The following MEIKIN variants were observed in gnomAD, a reference collection of about 807,000 sequenced individuals.
MEIKIN encodes the protein meiotic kinetochore factor.
At chr5:131,919,541 A>G (rs933728119) in intron 6 of MEIKIN, among the ~76,000 whole-genome samples, 3 of 152,224 alleles carry the variant, frequency 2.0e-5, no homozygotes, top group Non-Finnish European at 4.4e-5. Context: ...AGTACTATGC[A>G]GCTGTAAAAA....
chr5:131,817,345 C>G lies in MEIKIN; in HGVS notation c.1099+1395G>C, dbSNP rs144260134. 6.4e-3 allele frequency among the ~76,000 whole-genome samples: 981 copies of G among 152,224 alleles called. 13 individuals carry two copies. Among genetic ancestry groups the G allele is most frequent in the African/African-American group, 0.023 (942 of 41,518 alleles). On this transcript the variant is annotated intron_variant, in intron 12 of 12. Transcript: ENST00000442687. The stretch of plus-strand genomic sequence containing the variant: ...CCCCCTCACTGGCCGGGCACGGTGG[C>G]TCACGCCTGTAATCCCAACACTTTG...
chr5:131,898,412 T>C (rs1751091574), intron 8 of MEIKIN, among the ~76,000 whole-genome samples: 1 of 152,210 alleles, frequency 6.6e-6, no homozygotes, highest in Non-Finnish European at 1.5e-5. Context: ...GTCTGTCCAT[T>C]CTCAGAGCTC....
intron 7 of MEIKIN, among the ~76,000 whole-genome samples, chr5:131,913,713 A>G (rs1444941371): frequency 6.6e-6 from 1 of 152,252 alleles, no homozygotes; most frequent in Non-Finnish European, 1.5e-5. Flanking sequence ...TACACAGAAT[A>G]AGGAATGGGG....
chr5:131,836,417 A>G (rs1472627538), intron 11 of MEIKIN, among the ~76,000 whole-genome samples: 1 of 152,240 alleles, frequency 6.6e-6, no homozygotes, highest in African/African-American at 2.4e-5. Context: ...ATACCCAATA[A>G]TGAAATTGCT....
At chr5:131,918,304 TG>T (rs1391987109) in intron 6 of MEIKIN, among the ~76,000 whole-genome samples, 1 of 152,240 alleles carries the variant, frequency 6.6e-6, no homozygotes, top group Non-Finnish European at 1.5e-5. Context: ...CAAGTACACG[TG>T]GTAACAAATT....
At chr5:131,820,605 T>C (rs908508496) in intron 11 of MEIKIN, among the ~76,000 whole-genome samples, 1 of 152,224 alleles carries the variant, frequency 6.6e-6, no homozygotes, top group African/African-American at 2.4e-5. Context: ...TGGTATTAGT[T>C]CTTCTTCAAA....
intron 4 of MEIKIN, among the ~76,000 whole-genome samples, chr5:131,937,103 T>C (rs1297413780): frequency 6.6e-6 from 1 of 152,164 alleles, no homozygotes; most frequent in Non-Finnish European, 1.5e-5. Flanking sequence ...TCCTAAGAAA[T>C]TCACATATTT....
chr5:131,846,874 C>T (rs1425510285), intron 11 of MEIKIN, among the ~76,000 whole-genome samples: 1 of 90,084 alleles, frequency 1.1e-5, no homozygotes, highest in Non-Finnish European at 2.4e-5. Context: ...ATGTTAACAT[C>T]ATCATCTGAA....
chr5:131,845,197 G>A (rs1390736509), intron 11 of MEIKIN, among the ~76,000 whole-genome samples: 1 of 148,638 alleles, frequency 6.7e-6, no homozygotes, highest in Non-Finnish European at 1.5e-5. Context: ...ATGAACCTGG[G>A]AGGCAGAGTT....
intron 9 of MEIKIN, among the ~76,000 whole-genome samples, chr5:131,861,206 T>C (rs1043898943): frequency 6.6e-6 from 1 of 151,882 alleles, no homozygotes; most frequent in Non-Finnish European, 1.5e-5. Context: ...CTGGCCAACA[T>C]GGTGAAACCC....
intron 7 of MEIKIN, among the ~76,000 whole-genome samples, chr5:131,912,472 C>T (rs1176911977): frequency 2.0e-5 from 3 of 151,820 alleles, no homozygotes; most frequent in Non-Finnish European, 4.4e-5. Flanking sequence ...CTAGCTATCA[C>T]AAAAGGAATA....
At chr5:131,846,724 A>G (rs1221067082) in intron 11 of MEIKIN, among the ~76,000 whole-genome samples, 8 of 152,096 alleles carry the variant, frequency 5.3e-5, no homozygotes, top group Non-Finnish European at 1.2e-4. Context: ...AGGAAGCCAA[A>G]CTGGGAGGAC....
intron 8 of MEIKIN, among the ~76,000 whole-genome samples, chr5:131,902,772 A>C (rs1045383999): frequency 1.3e-5 from 2 of 152,202 alleles, no homozygotes; most frequent in African/African-American, 2.4e-5. Context: ...AAACCCCACT[A>C]GTTCCCCAGC....
chr5:131,859,568 T>C (rs35426654), intron 9 of MEIKIN, among the ~76,000 whole-genome samples: 1 of 152,172 alleles, frequency 6.6e-6, no homozygotes, highest in African/African-American at 2.4e-5. Context: ...TGTTCCTGCT[T>C]TGCCTTCCAC....
At chr5:131,896,950 G>A (rs554596981) in intron 8 of MEIKIN, among the ~76,000 whole-genome samples, 6 of 152,222 alleles carry the variant, frequency 3.9e-5, no homozygotes, top group South Asian at 4.1e-4. Context: ...TATTTTGCCC[G>A]TTAATTGATG....
intron 8 of MEIKIN, among the ~76,000 whole-genome samples, chr5:131,889,821 C>A (rs1282486498): frequency 2.6e-5 from 4 of 152,154 alleles, no homozygotes; most frequent in African/African-American, 9.7e-5. Flanking sequence ...CAGTTTTTGG[C>A]CATTCAGTAT....
intron 12 of MEIKIN, among the ~76,000 whole-genome samples, chr5:131,817,455 C>CA (rs968637959): frequency 2.3e-4 from 34 of 145,504 alleles, no homozygotes; most frequent in East Asian, 4.0e-4. Context: ...ACTGAAAATA[C>CA]AAAAAAAAAA....
At chr5:131,934,822 C>T (rs1372684421) in intron 4 of MEIKIN, among the ~76,000 whole-genome samples, 1 of 151,990 alleles carries the variant, frequency 6.6e-6, no homozygotes, top group Admixed American at 6.5e-5. Context: ...CTTTGGGAGA[C>T]CGAGGCAGGC....
intron 6 of MEIKIN, among the ~76,000 whole-genome samples, chr5:131,920,820 G>T (rs1416389497): frequency 1.3e-5 from 2 of 151,808 alleles, no homozygotes; most frequent in East Asian, 3.9e-4. Flanking sequence ...TCCCACCTCA[G>T]CCTCTTGAGT....
Sources: allele counts gnomAD v4.1 joint callset (sites outside exome capture counted in the v4.1 genomes callset), GRCh38; gene constraint gnomAD v4.1.1; transcripts MANE v1.5; gene names NCBI Gene and HGNC (gene_info 2026-07-23, HGNC 2026-07-21).